Variants in NRXN1 observed in about 807,000 individuals in gnomAD.
The protein encoded by NRXN1 is neurexin 1, also known as neurexin-1.
NRXN1 carries 39 observed loss-of-function variants against 150.9 expected under a neutral mutation model. The observed-to-expected ratio is 0.26, with a 90% CI of 0.20 to 0.34. The LOEUF (loss-of-function observed/expected upper bound fraction) is 0.34. Among genes scored for constraint, NRXN1 ranks in the 10% least tolerant of loss-of-function variants. The pLI is 1.00. For synonymous variants in NRXN1, 924 were observed against 757.0 expected, an observed-to-expected ratio of 1.22 and a Z score of -3.62; for missense variants, 1,815 against 1,949.9, an observed-to-expected ratio of 0.93 and a Z score of 1.30.
At chr2:51,017,192 G>T (rs897806869) in intron 2 of NRXN1, among the ~76,000 whole-genome samples, 1 of 151,926 alleles carries the variant, frequency 6.6e-6, no homozygotes, top group Admixed American at 6.6e-5. Context: ...ACCATGGCAC[G>T]TGTATACCTA....
chr2:50,875,020 T>C (rs1386610255), intron 5 of NRXN1, among the ~76,000 whole-genome samples: 9 of 151,850 alleles, frequency 5.9e-5, no homozygotes, highest in Non-Finnish European at 1.2e-4. Context: ...TGTTAGTGAA[T>C]ATAAAATATT....
At chr2:50,993,886 G>T (rs1183357839) in intron 2 of NRXN1, among the ~76,000 whole-genome samples, 9 of 151,886 alleles carry the variant, frequency 5.9e-5, no homozygotes. Flanking sequence ...AGAGCACTTT[G>T]CAAATTTATG....
intron 5 of NRXN1, among the ~76,000 whole-genome samples, chr2:50,827,138 C>T (rs1394551966): frequency 2.0e-5 from 3 of 152,154 alleles, no homozygotes; most frequent in African/African-American, 4.8e-5. Flanking sequence ...CGCATAGTGA[C>T]CTTGGTAACA....
At chr2:50,525,665 T>C (rs144027527) in intron 12 of NRXN1, among the ~76,000 whole-genome samples, 53 of 152,356 alleles carry the variant, frequency 3.5e-4, no homozygotes, top group African/African-American at 1.2e-3. Context: ...GATCAAAACA[T>C]ACATTTGGCA....
At chr2:50,361,479 A>G (rs1354121668) in intron 17 of NRXN1, among the ~76,000 whole-genome samples, 1 of 152,216 alleles carries the variant, frequency 6.6e-6, no homozygotes, top group Non-Finnish European at 1.5e-5. Context: ...AGAACACTAT[A>G]AACACCTCTA....
intron 5 of NRXN1, among the ~76,000 whole-genome samples, chr2:50,689,394 C>A (rs984312780): frequency 6.6e-6 from 1 of 152,142 alleles, no homozygotes; most frequent in Non-Finnish European, 1.5e-5. Context: ...ATCACCACTA[C>A]AAATCAATAT....
At chr2:50,918,221 G>C (rs945074618) in intron 5 of NRXN1, 1 of 157,020 alleles carries the variant, frequency 6.4e-6, no homozygotes, top group Non-Finnish European at 1.4e-5. Flanking sequence ...CTAGTAACAT[G>C]AGAAGCCTGG....
chr2:50,104,453 G>T (rs551473421), intron 18 of NRXN1, among the ~76,000 whole-genome samples: 1 of 152,062 alleles, frequency 6.6e-6, no homozygotes, highest in Admixed American at 6.6e-5. Flanking sequence ...AGGCCAAGTG[G>T]AAACCATATG....
chr2:49,977,403 A>G (rs1168049370), intron 21 of NRXN1, among the ~76,000 whole-genome samples: 1 of 152,206 alleles, frequency 6.6e-6, no homozygotes, highest in Non-Finnish European at 1.5e-5. Flanking sequence ...TGTACAGGAC[A>G]GTCCCTATCA....
intron 17 of NRXN1, among the ~76,000 whole-genome samples, chr2:50,373,561 T>G (rs1031259268): frequency 5.4e-5 from 8 of 147,582 alleles, no homozygotes; most frequent in African/African-American, 2.0e-4. Flanking sequence ...TAATTCAATT[T>G]TTATAGAGAG....
chr2:50,365,196 T>C (rs892217720), intron 17 of NRXN1, among the ~76,000 whole-genome samples: 1 of 152,178 alleles, frequency 6.6e-6, no homozygotes, highest in Admixed American at 6.5e-5. Flanking sequence ...TTGAAAACTA[T>C]GTAAATTTCA....
intron 21 of NRXN1, among the ~76,000 whole-genome samples, chr2:49,950,967 T>C (rs1219098554): frequency 6.6e-6 from 1 of 151,972 alleles, no homozygotes; most frequent in East Asian, 1.9e-4. Context: ...AAAGGCAGAC[T>C]TGAAAGCCAT....
In NRXN1 at chr2:50,333,476, C is replaced by A. The variant is rs530473021; in HGVS notation, c.3365-96506G>T. Among the ~76,000 whole-genome samples the A allele has an allele frequency of 2.6e-5, 4 of 152,204 alleles. 1 individual carries two copies. In the South Asian group the frequency reaches 8.3e-4, roughly 32 times the overall value. ...CAATATTAGCATGACATCTATCAGGCTCCTATAGAAATCAGTAATGAAGGA... is the reference window on the plus strand; with the variant it reads ...CAATATTAGCATGACATCTATCAGGATCCTATAGAAATCAGTAATGAAGGA... On this transcript the variant is annotated intron_variant, in intron 17 of 22. Transcript: ENST00000401669.
rs115777058 is a variant in NRXN1, at chr2:50,463,189, G to A, written c.3364+2253C>T. On this transcript the variant is annotated intron_variant, in intron 17 of 22. Coordinates refer to ENST00000401669, the MANE Select transcript of NRXN1 (RefSeq NM_001330078.2). ...GCATCTTAGAGAAAAACAGTGAGAT[G>A]TACAGACAAGATTTATTTTGATCAA... Among the ~76,000 whole-genome samples, 1,255 of 151,910 alleles carry A rather than the reference G, an allele frequency of 8.3e-3. 18 individuals are homozygous for A. Among genetic ancestry groups the A allele is most frequent in the African/African-American group, 0.029 (1,194 of 41,514 alleles).
chr2:50,060,317 G>A (rs950309229), intron 19 of NRXN1, among the ~76,000 whole-genome samples: 11 of 152,058 alleles, frequency 7.2e-5, no homozygotes, highest in Non-Finnish European at 1.0e-4. Flanking sequence ...TAGACCCTTC[G>A]TTTTGGCCAA....
chr2:50,180,213 C>T (rs2060617878), intron 18 of NRXN1, among the ~76,000 whole-genome samples: 1 of 151,826 alleles, frequency 6.6e-6, no homozygotes, highest in African/African-American at 2.4e-5. Context: ...TTTGTAGAGA[C>T]ACGGTCTTGC....
chr2:50,934,434 A>C (rs1432608681), intron 2 of NRXN1, among the ~76,000 whole-genome samples: 1 of 152,126 alleles, frequency 6.6e-6, no homozygotes, highest in African/African-American at 2.4e-5. Flanking sequence ...TTAGAAAAAC[A>C]GAGTGTTTTC....
intron 17 of NRXN1, among the ~76,000 whole-genome samples, chr2:50,318,556 G>T (rs2075788078): frequency 6.6e-6 from 1 of 151,984 alleles, no homozygotes; most frequent in Non-Finnish European, 1.5e-5. Flanking sequence ...CATAGAGTGG[G>T]TTACAATATT....
At chr2:49,968,814 A>G (rs1677420422) in intron 21 of NRXN1, among the ~76,000 whole-genome samples, 2 of 152,074 alleles carry the variant, frequency 1.3e-5, no homozygotes, top group South Asian at 4.1e-4. Flanking sequence ...CTATAGGGTA[A>G]AATAGTTAGG....
Sources: allele counts gnomAD v4.1 joint callset (sites outside exome capture counted in the v4.1 genomes callset), GRCh38; gene constraint gnomAD v4.1.1; transcripts MANE v1.5; gene names NCBI Gene and HGNC (gene_info 2026-07-23, HGNC 2026-07-21).